The following ELF4 variants were observed in gnomAD, a reference collection of about 807,000 sequenced individuals.
ELF4 encodes the protein E74 like ETS transcription factor 4, also known as ETS-related transcription factor Elf-4.
Under a neutral mutation model 31.7 loss-of-function variants are expected in ELF4, and 10 were observed. The observed-to-expected ratio is 0.32, with a 90% CI of 0.19 to 0.54. ELF4 has a LOEUF of 0.54. Ranked by LOEUF, ELF4 falls within the 20% of genes least tolerant of loss-of-function variation. The pLI is 0.95. For missense variants in ELF4, 418 were observed against 522.0 expected (o/e 0.80, Z 1.94); for synonymous variants, 208 against 226.7 (o/e 0.92, Z 0.74).
At chrX:130,093,971 C>T (rs1933103248) in intron 1 of ELF4, among the ~76,000 whole-genome samples, 1 of 112,275 alleles carries the variant, frequency 8.9e-6, no homozygotes, top group African/African-American at 3.2e-5. Context: ...GTGGCTCACA[C>T]CTGTAATCCC....
At chrX:130,088,964 C>G (rs1289648134) in intron 1 of ELF4, among the ~76,000 whole-genome samples, 4 of 111,400 alleles carry the variant, frequency 3.6e-5, no homozygotes, top group Non-Finnish European at 7.5e-5. Flanking sequence ...CACTGGCTGC[C>G]CCTCCCAAAT....
intron 1 of ELF4, among the ~76,000 whole-genome samples, chrX:130,093,754 C>T (rs1933098456): frequency 8.9e-6 from 1 of 111,961 alleles, no homozygotes; most frequent in Non-Finnish European, 1.9e-5. Flanking sequence ...CTTGGCTTCC[C>T]CGTAGTGATA....
intron 1 of ELF4, among the ~76,000 whole-genome samples, chrX:130,102,445 G>C (rs972188834): frequency 1.8e-5 from 2 of 111,433 alleles, no homozygotes; most frequent in Non-Finnish European, 3.8e-5. Flanking sequence ...CCCACATATA[G>C]ACAATGGTAG....
chrX:130,078,134 A>C (rs867033593), intron 2 of ELF4, among the ~76,000 whole-genome samples: 1 of 105,386 alleles, frequency 9.5e-6, no homozygotes, highest in African/African-American at 3.5e-5. Flanking sequence ...TGCAACCTCC[A>C]CTACCGGGTT....
Position 130,067,369 on chromosome X carries a change from T to C in ELF4, c.1344A>G (p.Pro448=). The change falls in exon 9 of 9, where the codon CCA becomes CCG. Residue 448 remains proline (P), a synonymous_variant. Coordinates refer to ENST00000308167, the MANE Select transcript of ELF4 (RefSeq NM_001421.4). ...APTQLVLQSV[P]AASTFKDTFT... The stretch of plus-strand genomic sequence containing the variant: ...AGGTGTCCTTGAAAGTAGAGGCCGC[T>C]GGAACACTCTGGAGAACGAGCTGAG... 8.3e-7 allele frequency: 1 copy of C among 1,211,825 alleles called. No homozygotes were observed. Among genetic ancestry groups the C allele is most frequent in the East Asian group, 3.0e-5 (1 of 33,823 alleles).
chrX:130,093,518 T>C (rs1933094817), intron 1 of ELF4, among the ~76,000 whole-genome samples: 1 of 111,418 alleles, frequency 9.0e-6, no homozygotes, highest in Non-Finnish European at 1.9e-5. Context: ...CAAGGTGGGG[T>C]TCCTAGCCGT....
At position 130,064,291 on chromosome X, in the gene ELF4, A is replaced by C. The variant is rs1932615112; in HGVS notation, c.*2430T>G. The stretch of plus-strand genomic sequence containing the variant: ...TGGCTCTACTGAAAATACAAAAATT[A>C]GCTGGGCATGGTGGCATGTGCCTGT... On this transcript the variant is annotated 3_prime_UTR_variant, in exon 9 of 9. Transcript: ENST00000308167. Among the ~76,000 whole-genome samples, 1 of 111,435 alleles carries C rather than the reference A, an allele frequency of 9.0e-6. No individual in the cohort carries two copies. The highest frequency in any genetic ancestry group is 3.3e-5 in the African/African-American group (1 of 30,615).
chrX:130,071,926 G>A (rs760248531), intron 5 of ELF4, among the ~76,000 whole-genome samples: 1 of 112,606 alleles, frequency 8.9e-6, no homozygotes, highest in African/African-American at 3.2e-5. Flanking sequence ...CCAGAGGTCC[G>A]GGGACTGGCC....
At chrX:130,072,174 C>A (rs1233732248) in intron 5 of ELF4, 52 bp downstream of exon 5, 3 of 1,094,579 alleles carry the variant, frequency 2.7e-6, no homozygotes, top group Non-Finnish European at 3.8e-6. Context: ...CGCCCCCCCA[C>A]GCCCCGCCCA....
At chrX:130,108,111 G>A (rs1284166147) in intron 1 of ELF4, among the ~76,000 whole-genome samples, 1 of 111,464 alleles carries the variant, frequency 9.0e-6, no homozygotes. Context: ...GGGAGGCTGA[G>A]GCAGGAGAAT....
rs1021303940 is a variant in ELF4 at position 130,066,486 on chromosome X, C to T, written c.*235G>A. 9 of 390,600 alleles carry T rather than the reference C, an allele frequency of 2.3e-5. No individual in the cohort carries two copies. Among genetic ancestry groups the T allele is most frequent in the African/African-American group, 1.5e-4 (6 of 39,594 alleles). 32.2% of individuals were successfully genotyped at this position (390,600 alleles called of 1,213,427 possible). On this transcript the variant is annotated 3_prime_UTR_variant, in exon 9 of 9. Transcript: ENST00000308167. ...TTTTCCCTCCATCACCAAGTCAGCCCGTTATGCTGCCAAAAGCATATGCCC... is the reference window on the plus strand; with the variant it reads ...TTTTCCCTCCATCACCAAGTCAGCCTGTTATGCTGCCAAAAGCATATGCCC...
At chrX:130,105,693 C>T (rs1933365102) in intron 1 of ELF4, among the ~76,000 whole-genome samples, 2 of 111,539 alleles carry the variant, frequency 1.8e-5, no homozygotes, top group Non-Finnish European at 3.8e-5. Flanking sequence ...AAATCTCTTT[C>T]CTCCACCTGA....
At chrX:130,078,798 CACACACACAA>C (rs1462635692) in intron 2 of ELF4, among the ~76,000 whole-genome samples, 6 of 108,157 alleles carry the variant, frequency 5.5e-5, no homozygotes, top group Admixed American at 2.0e-4. Flanking sequence ...CACACACACA[CACACACACAA>C]TTAGCCAGGC....
intron 1 of ELF4, among the ~76,000 whole-genome samples, chrX:130,105,487 G>A (rs944448766): frequency 9.0e-6 from 1 of 111,415 alleles, no homozygotes; most frequent in Non-Finnish European, 1.9e-5. Context: ...TGATGAGTGT[G>A]TGTATGTGGC....
chrX:130,094,140 G>A lies in ELF4; in HGVS notation c.-209-12601C>T, dbSNP rs554830323. ...TCAGACTTTGGAGGCCAAGGTGGGC[G>A]GATCATGAGGTCAGGTGGGCGGATC... On this transcript the variant is annotated intron_variant, in intron 1 of 8. Transcript: ENST00000308167. Among the ~76,000 whole-genome samples the A allele has an allele frequency of 5.1e-4, 56 of 109,387 alleles. 1 individual carries two copies. Among genetic ancestry groups the A allele is most frequent in the African/African-American group, 1.8e-3 (53 of 28,765 alleles). 95.0% of individuals were successfully genotyped at this position (109,387 alleles called of 115,157 possible). A position where few individuals can be genotyped will look rare whatever the true frequency, so the allele number is the denominator to read the frequency against.
At chrX:130,067,646 T>C (rs1053256037) in intron 8 of ELF4, 121 bp from the exon 9 acceptor site, 2 of 772,005 alleles carry the variant, frequency 2.6e-6, no homozygotes, top group Non-Finnish European at 3.8e-6. Context: ...GTTTGTTGTT[T>C]TTTTCTTTTT....
chrX:130,093,145 C>T (rs971323675), intron 1 of ELF4, among the ~76,000 whole-genome samples: 6 of 110,274 alleles, frequency 5.4e-5, no homozygotes, highest in Non-Finnish European at 9.5e-5. Flanking sequence ...TGGTGGCAGG[C>T]ACTCTGTCCC....
rs1932811095 is a variant in ELF4, at chrX:130,074,033, T to C, written c.340+16A>G. 5 of 1,206,612 alleles carry C rather than the reference T, an allele frequency of 4.1e-6. No homozygotes were observed. Among genetic ancestry groups the C allele is most frequent in the Non-Finnish European group, 5.6e-6 (5 of 890,592 alleles). ...ATTTTGTTGCCTTGAGTTCAGGCAC[T>C]GGGGTTCAAACTTACAGATCTGCTT... On this transcript the variant is annotated intron_variant, in intron 4 of 8. Transcript: ENST00000308167.
chrX:130,072,922 T>G (rs1363191588), intron 4 of ELF4, among the ~76,000 whole-genome samples: 1 of 72,548 alleles, frequency 1.4e-5, no homozygotes, highest in Non-Finnish European at 3.2e-5. Flanking sequence ...AGATTTCAGC[T>G]TTATGGCTTG....
Sources: allele counts gnomAD v4.1 joint callset (sites outside exome capture counted in the v4.1 genomes callset), GRCh38; gene constraint gnomAD v4.1.1; transcripts MANE v1.5; gene names NCBI Gene and HGNC (gene_info 2026-07-23, HGNC 2026-07-21).